TRPM3: variants seen among roughly 807,000 people sequenced by gnomAD.
The protein encoded by TRPM3 is long transient receptor potential channel 3.
In TRPM3, 77 loss-of-function variants were observed where a neutral mutation model predicts 181.2. The ratio of observed to expected loss-of-function variants is 0.42; its 90% CI spans 0.35 to 0.51. The LOEUF is 0.51. Among genes scored for constraint, TRPM3 ranks in the 20% least tolerant of loss-of-function variants. The pLI is 0.01. For missense variants in TRPM3, 1,759 were observed against 2,196.7 expected, an observed-to-expected ratio of 0.80 and a Z score of 3.98; for synonymous variants, 745 against 796.4, an observed-to-expected ratio of 0.94 and a Z score of 1.09.
intron 1 of TRPM3, among the ~76,000 whole-genome samples, chr9:71,044,918 G>A (rs1416747874): frequency 2.0e-5 from 3 of 151,976 alleles, no homozygotes; most frequent in African/African-American, 4.8e-5. Flanking sequence ...TGATCCACCC[G>A]CCTCGGCCTC....
chr9:71,420,012 A>G (rs931924301), intron 1 of TRPM3, among the ~76,000 whole-genome samples: 4 of 152,018 alleles, frequency 2.6e-5, no homozygotes, highest in Admixed American at 2.6e-4. Context: ...TTAATAATCA[A>G]CTAGTCACAG....
At chr9:71,333,332 T>C (rs1455578555) in intron 1 of TRPM3, among the ~76,000 whole-genome samples, 2 of 151,966 alleles carry the variant, frequency 1.3e-5, no homozygotes, top group African/African-American at 2.4e-5. Context: ...CCCAATAGCA[T>C]TCATGCCCTT....
chr9:70,909,102 C>T (rs1401681148), intron 1 of TRPM3, among the ~76,000 whole-genome samples: 2 of 152,236 alleles, frequency 1.3e-5, no homozygotes, highest in East Asian at 3.9e-4. Context: ...AGATTAATTG[C>T]AGTGCATTAA....
At chr9:71,227,108 CAAAAAAAA>C (rs368727383) in intron 1 of TRPM3, among the ~76,000 whole-genome samples, 1 of 40,194 alleles carries the variant, frequency 2.5e-5, no homozygotes, top group East Asian at 8.4e-4. Flanking sequence ...TACTTCATCT[CAAAAAAAA>C]AAAAAAAAAA....
At chr9:70,591,295 G>A in intron 21 of TRPM3, 90 bp from the exon 22 acceptor site, 1 of 1,115,802 alleles carries the variant, frequency 9.0e-7, no homozygotes, top group Non-Finnish European at 1.3e-6. Flanking sequence ...GGAACCTTTG[G>A]AGGAGGTCCA....
intron 1 of TRPM3, among the ~76,000 whole-genome samples, chr9:71,327,364 G>C (rs1423461240): frequency 2.0e-5 from 3 of 152,130 alleles, no homozygotes; most frequent in African/African-American, 4.8e-5. Context: ...TGTCATGCTG[G>C]AACAGGCTGA....
chr9:70,994,586 G>T (rs1368645857), intron 1 of TRPM3, among the ~76,000 whole-genome samples: 3 of 151,926 alleles, frequency 2.0e-5, no homozygotes, highest in African/African-American at 7.3e-5. Context: ...TGGCAGGGAA[G>T]TATACACATT....
At chr9:70,841,858 A>C (rs2094688402) in intron 5 of TRPM3, among the ~76,000 whole-genome samples, 1 of 151,676 alleles carries the variant, frequency 6.6e-6, no homozygotes. Context: ...GCATGTTCTC[A>C]CTTGTAAGTG....
chr9:71,119,140 ATT>A (rs955272813), intron 1 of TRPM3, among the ~76,000 whole-genome samples: 1 of 152,250 alleles, frequency 6.6e-6, no homozygotes, highest in African/African-American at 2.4e-5. Flanking sequence ...GTATGACTTT[ATT>A]TTTTTAAGAG....
At position 70,620,347 on chromosome 9, in the gene TRPM3, G is replaced by T. The variant is rs764939818; in HGVS notation, c.1858C>A (p.Arg620=). Residue 620 remains arginine, a synonymous_variant, in exon 16 of 26, where the codon CGA becomes AGA. Transcript: ENST00000677713. ...CGTTTCTTGGTTGTCTTTCTTCCTC[G>T]CCTCAAGGGAATATCATCCTGTAAT... ...LGMEDDIPLR[R]GRKTTKKREE... 2.5e-6 allele frequency: 4 copies of T among 1,611,320 alleles called. No individual in the cohort carries two copies. Among genetic ancestry groups the T allele is most frequent in the Admixed American group, 3.3e-5 (2 of 59,966 alleles).
intron 6 of TRPM3, among the ~76,000 whole-genome samples, chr9:70,800,996 G>T (rs1180093242): frequency 6.6e-6 from 1 of 152,166 alleles, no homozygotes; most frequent in Non-Finnish European, 1.5e-5. Context: ...GTCCTGTTAG[G>T]AAATCTACAG....
chr9:70,538,765 A>G (rs796221656), intron 25 of TRPM3, among the ~76,000 whole-genome samples: 2 of 152,288 alleles, frequency 1.3e-5, no homozygotes, highest in African/African-American at 2.4e-5. Context: ...TTTCATTTCT[A>G]TGTGGCCAAC....
chr9:71,086,558 C>A (rs1400157988), intron 1 of TRPM3, among the ~76,000 whole-genome samples: 1 of 151,882 alleles, frequency 6.6e-6, no homozygotes, highest in South Asian at 2.1e-4. Context: ...TATCAAAGAC[C>A]TGCATATCCT....
intron 22 of TRPM3, among the ~76,000 whole-genome samples, chr9:70,578,298 CAAAAAAA>C (rs56376771): frequency 1.7e-5 from 2 of 116,414 alleles, no homozygotes; most frequent in Non-Finnish European, 1.8e-5. Flanking sequence ...CTTTTGTATC[CAAAAAAA>C]AAAAAAAAAA....
At chr9:71,268,806 A>C (rs1476007983) in intron 1 of TRPM3, among the ~76,000 whole-genome samples, 1 of 152,240 alleles carries the variant, frequency 6.6e-6, no homozygotes, top group Non-Finnish European at 1.5e-5. Flanking sequence ...TGGGCGACAG[A>C]GCGAGGCTCC....
At chr9:71,345,947 C>A (rs2091268304) in intron 1 of TRPM3, among the ~76,000 whole-genome samples, 2 of 152,128 alleles carry the variant, frequency 1.3e-5, no homozygotes, top group Non-Finnish European at 2.9e-5. Context: ...GAAGTCTTAA[C>A]CTTACCAATA....
intron 1 of TRPM3, among the ~76,000 whole-genome samples, chr9:70,962,277 G>A (rs368703793): frequency 3.5e-4 from 54 of 152,206 alleles, no homozygotes; most frequent in African/African-American, 1.2e-3. Flanking sequence ...CCACCAAGAA[G>A]CTCTCCAGTG....
At chr9:70,949,382 T>A (rs2096971377) in intron 1 of TRPM3, among the ~76,000 whole-genome samples, 1 of 152,024 alleles carries the variant, frequency 6.6e-6, no homozygotes, top group Non-Finnish European at 1.5e-5. Flanking sequence ...TAAGCAGATG[T>A]AGCTGTGTTT....
intron 1 of TRPM3, among the ~76,000 whole-genome samples, chr9:71,023,802 T>C (rs1475592609): frequency 6.6e-6 from 1 of 152,006 alleles, no homozygotes; most frequent in Non-Finnish European, 1.5e-5. Flanking sequence ...GAGAACAGAT[T>C]AGTGGCCACT....
Sources: gnomAD v4.1 joint callset for allele counts (sites outside exome capture counted in the v4.1 genomes callset) on GRCh38, gnomAD v4.1.1 for gene constraint, MANE v1.5 for transcripts, NCBI Gene and HGNC (gene_info 2026-07-23, HGNC 2026-07-21) for gene names.